NWD2: variants seen among roughly 807,000 people sequenced by gnomAD.
NWD2 encodes the protein NACHT and WD repeat domain containing 2.
In NWD2, 37 loss-of-function variants were observed where a neutral mutation model predicts 132.7. The observed-to-expected ratio is 0.28, with a 90% CI of 0.21 to 0.37. The LOEUF (loss-of-function observed/expected upper bound fraction) is 0.37, where lower values mean the gene tolerates loss of function less well. NWD2 is among the 10% of genes least tolerant of loss of function. The pLI is 1.00. For synonymous variants in NWD2, 705 were observed against 803.0 expected (o/e 0.88, Z 2.06); for missense variants, 1,592 against 2,122.4 (o/e 0.75, Z 4.91).
At chr4:37,285,564 A>G (rs188032364) in intron 1 of NWD2, among the ~76,000 whole-genome samples, 11 of 152,278 alleles carry the variant, frequency 7.2e-5, no homozygotes, top group African/African-American at 2.4e-4. Flanking sequence ...CACAAATTTT[A>G]TTTTATTAAC....
chr4:37,283,483 A>T (rs1350603114), intron 1 of NWD2, among the ~76,000 whole-genome samples: 1 of 152,200 alleles, frequency 6.6e-6, no homozygotes, highest in Non-Finnish European at 1.5e-5. Flanking sequence ...TGTTTCAATA[A>T]ATTATAAATG....
chr4:37,444,265 A>G lies in NWD2; in HGVS notation c.2277A>G (p.Leu759=), dbSNP rs1712569451. ...DNDLREMHTI[L]ADYFLGVWSG... Reference sequence around the variant, plus strand: ...ACCTGCGTGAAATGCACACCATCTTAGCAGATTATTTTCTGGGGGTTTGGT... The same window carrying G: ...ACCTGCGTGAAATGCACACCATCTTGGCAGATTATTTTCTGGGGGTTTGGT... The change falls in exon 7 of 7, where the codon TTA becomes TTG. Residue 759 remains leucine (L), a synonymous_variant. Transcript: ENST00000309447. This position sits in a 1 kb window ranked among gnomAD's most constrained non-coding sequence, Gnocchi z 4.8. 1.9e-6 allele frequency: 3 copies of G among 1,551,556 alleles called. No individual in the cohort carries two copies. Among genetic ancestry groups the G allele is most frequent in the Non-Finnish European group, 2.6e-6 (3 of 1,146,996 alleles).
chr4:37,443,039 A>G lies in NWD2; in HGVS notation c.1297-246A>G, dbSNP rs1712527423. On this transcript the variant is annotated intron_variant, in intron 6 of 6. Transcript: ENST00000309447. This position sits in a 1 kb window ranked among gnomAD's most constrained non-coding sequence, Gnocchi z 4.1. ...GCTAAATATTGCCGAATGAGTGAAA[A>G]ATACTATTATTGCTACTTTAGTACA... Among the ~76,000 whole-genome samples, 2 of 152,036 alleles carry G rather than the reference A, an allele frequency of 1.3e-5. No individual in the cohort carries two copies. Among genetic ancestry groups the G allele is most frequent in the Admixed American group, 6.6e-5 (1 of 15,252 alleles).
chr4:37,429,016 G>A (rs905923967), intron 3 of NWD2, among the ~76,000 whole-genome samples: 2 of 152,112 alleles, frequency 1.3e-5, no homozygotes, highest in African/African-American at 4.8e-5. Flanking sequence ...ACAAGTGTGA[G>A]CCACCAGGCC....
intron 1 of NWD2, among the ~76,000 whole-genome samples, chr4:37,263,774 T>C (rs1026388821): frequency 1.3e-5 from 2 of 152,142 alleles, no homozygotes; most frequent in African/African-American, 4.8e-5. Flanking sequence ...ATTATTGAAA[T>C]ACAAGAGTTA....
At chr4:37,276,221 A>G (rs1209611504) in intron 1 of NWD2, among the ~76,000 whole-genome samples, 1 of 152,208 alleles carries the variant, frequency 6.6e-6, no homozygotes, top group African/African-American at 2.4e-5. Flanking sequence ...GCTAATATCC[A>G]GAATCTACAA....
chr4:37,421,950 C>T (rs539369892), intron 3 of NWD2, among the ~76,000 whole-genome samples: 23 of 152,248 alleles, frequency 1.5e-4, no homozygotes, highest in South Asian at 8.3e-4. Context: ...ACCATCTTCT[C>T]GCTGTGTCCT....
At chr4:37,418,798 C>G (rs1711711490) in intron 3 of NWD2, among the ~76,000 whole-genome samples, 1 of 152,056 alleles carries the variant, frequency 6.6e-6, no homozygotes, top group African/African-American at 2.4e-5. Context: ...TAAAAGCGTT[C>G]CTATTTCTCC....
At chr4:37,335,289 T>TG (rs1203479186) in intron 2 of NWD2, among the ~76,000 whole-genome samples, 23 of 16,198 alleles carry the variant, frequency 1.4e-3, no homozygotes, top group African/African-American at 3.9e-3. Context: ...GCCCTCTGAC[T>TG]GGGGGGTGGG....
At chr4:37,331,980 C>T (rs541765888) in intron 2 of NWD2, among the ~76,000 whole-genome samples, 1 of 152,300 alleles carries the variant, frequency 6.6e-6, no homozygotes, top group African/African-American at 2.4e-5. Flanking sequence ...CACTGAGGCC[C>T]ATTTAGACCA....
At chr4:37,285,662 G>A (rs1466288504) in intron 1 of NWD2, among the ~76,000 whole-genome samples, 3 of 152,018 alleles carry the variant, frequency 2.0e-5, no homozygotes, top group Admixed American at 6.6e-5. Context: ...TTTGAGCTGG[G>A]TAATACTTTC....
At chr4:37,338,764 C>T (rs908517204) in intron 2 of NWD2, among the ~76,000 whole-genome samples, 1 of 152,182 alleles carries the variant, frequency 6.6e-6, no homozygotes, top group African/African-American at 2.4e-5. Context: ...CTTCTCTCAC[C>T]ACAGCTCGAC....
At position 37,300,656 on chromosome 4, in the gene NWD2, A is replaced by G. The variant is rs1361542189; in HGVS notation, c.152-25280A>G. 6.6e-5 allele frequency among the ~76,000 whole-genome samples: 10 copies of G among 152,212 alleles called. No homozygotes were observed. In the East Asian group the frequency reaches 1.9e-3, roughly 29 times the overall value. On this transcript the variant is annotated intron_variant, in intron 1 of 6. Coordinates refer to ENST00000309447, the MANE Select transcript of NWD2 (RefSeq NM_001144990.2). ...TCTTGTTTTGTCATAATAAAGCACAAAAAGTATATAAGTTTCTTCAATAGC... is the reference window on the plus strand; with the variant it reads ...TCTTGTTTTGTCATAATAAAGCACAGAAAGTATATAAGTTTCTTCAATAGC...
intron 1 of NWD2, among the ~76,000 whole-genome samples, chr4:37,262,612 G>A (rs974235726): frequency 6.6e-6 from 1 of 152,140 alleles, no homozygotes; most frequent in South Asian, 2.1e-4. Flanking sequence ...TGTTCTGGGA[G>A]GATAGTGAAA....
intron 3 of NWD2, among the ~76,000 whole-genome samples, chr4:37,361,864 G>T (rs13108934): frequency 0.28 from 42,973 of 151,926 alleles, 7,437 homozygotes; most frequent in Middle Eastern, 0.45. Context: ...ATCCAAATAG[G>T]AAAAGAAGAA....
At chr4:37,302,616 CA>C (rs1166532124) in intron 1 of NWD2, among the ~76,000 whole-genome samples, 1 of 152,034 alleles carries the variant, frequency 6.6e-6, no homozygotes, top group Non-Finnish European at 1.5e-5. Flanking sequence ...TTCTCACCAG[CA>C]TTTTTTTTAT....
chr4:37,260,165 T>C (rs1412761789), intron 1 of NWD2, among the ~76,000 whole-genome samples: 2 of 152,194 alleles, frequency 1.3e-5, no homozygotes, highest in African/African-American at 4.8e-5. Flanking sequence ...AATAGTGTCA[T>C]GTGTGCATGA....
intron 1 of NWD2, among the ~76,000 whole-genome samples, chr4:37,304,749 T>C (rs919449959): frequency 6.6e-6 from 1 of 152,192 alleles, no homozygotes; most frequent in Non-Finnish European, 1.5e-5. Flanking sequence ...GTTGCACCGC[T>C]GTGGCTCTGC....
intron 1 of NWD2, among the ~76,000 whole-genome samples, chr4:37,245,549 CTT>C (rs34994440): frequency 4.5e-4 from 65 of 145,474 alleles, no homozygotes; most frequent in Non-Finnish European, 4.8e-4. Context: ...GTCCCCCGCC[CTT>C]TTTTTTTTTT....
Sources: gnomAD v4.1 joint callset for allele counts (sites outside exome capture counted in the v4.1 genomes callset) on GRCh38, gnomAD v4.1.1 for gene constraint, Gnocchi (gnomAD v3.1) non-coding constraint, MANE v1.5 for transcripts, NCBI Gene and HGNC (gene_info 2026-07-23, HGNC 2026-07-21) for gene names.